Variants in PLEKHA5 observed in about 807,000 individuals in gnomAD.
PLEKHA5 encodes the protein pleckstrin homology domain-containing family A member 5.
PLEKHA5 carries 55 observed loss-of-function variants against 181.9 expected under a neutral mutation model. The ratio of observed to expected loss-of-function variants is 0.30; its 90% confidence interval spans 0.24 to 0.38. The LOEUF (loss-of-function observed/expected upper bound fraction) is 0.38, where lower values mean the gene tolerates loss of function less well. Ranked by LOEUF, PLEKHA5 falls within the 10% of genes least tolerant of loss-of-function variation. The probability of loss-of-function intolerance (pLI) is 1.00; values close to 1 mark genes in which losing one functional copy is unlikely to be tolerated. For synonymous variants in PLEKHA5, 535 were observed against 529.4 expected (o/e 1.01, Z -0.15); for missense variants, 1,432 against 1,549.5 (o/e 0.92, Z 1.27).
At chr12:19,135,086 A>C (rs563330334) in intron 3 of PLEKHA5, among the ~76,000 whole-genome samples, 2 of 152,276 alleles carry the variant, frequency 1.3e-5, no homozygotes, top group Non-Finnish European at 2.9e-5. Context: ...TGTGTTCTGG[A>C]AAGTTCTCAC....
chr12:19,267,350 T>C (rs2070804812), intron 8 of PLEKHA5, among the ~76,000 whole-genome samples: 1 of 152,162 alleles, frequency 6.6e-6, no homozygotes, highest in Non-Finnish European at 1.5e-5. Flanking sequence ...TTTATAACTT[T>C]TGCTAATTAA....
rs1187794806 is a variant in PLEKHA5, at chr12:19,247,755, T to TAA, written c.228-6174_228-6173dup. Among the ~76,000 whole-genome samples, 4 of 144,212 alleles carry TAA rather than the reference T, an allele frequency of 2.8e-5. No homozygotes were observed. In the East Asian group the frequency reaches 6.0e-4, roughly 22 times the overall value. The allele number at this position is 144,212 out of a possible 152,430, so 94.6% of individuals were successfully genotyped here. A position where few individuals can be genotyped will look rare whatever the true frequency, so the allele number is the denominator to read the frequency against. On this transcript the variant is annotated intron_variant, in intron 3 of 31. Coordinates refer to ENST00000429027, the MANE Select transcript of PLEKHA5 (RefSeq NM_001256470.2). ...AATTCCTTGGTATCTTTTCTTTTTT[T>TAA]AAAAAAAAAAAAGGTAGGGGGTGAG...
intron 3 of PLEKHA5, chr12:19,150,327 G>A (rs972273820): frequency 6.6e-6 from 1 of 152,130 alleles, no homozygotes; most frequent in African/African-American, 2.4e-5. Context: ...CTGTTTTGGG[G>A]GATGGAGGAA....
chr12:19,307,017 T>A, intron 15 of PLEKHA5: 1 of 1,494,722 alleles, frequency 6.7e-7, no homozygotes, highest in Non-Finnish European at 9.3e-7. Context: ...CTCCTACTCT[T>A]GTTCCTGCCC....
At chr12:19,314,203 C>T (rs1167905409) in intron 15 of PLEKHA5, among the ~76,000 whole-genome samples, 1 of 152,130 alleles carries the variant, frequency 6.6e-6, no homozygotes, top group Non-Finnish European at 1.5e-5. Flanking sequence ...GCTAAGGAGA[C>T]ATACCAAGTC....
At chr12:19,155,616 A>C (rs1197180112) in intron 3 of PLEKHA5, among the ~76,000 whole-genome samples, 1 of 152,190 alleles carries the variant, frequency 6.6e-6, no homozygotes, top group Non-Finnish European at 1.5e-5. Flanking sequence ...TAAAGTGTTA[A>C]CCATAGTCTT....
chr12:19,159,018 G>A (rs115710214), intron 3 of PLEKHA5, among the ~76,000 whole-genome samples: 1,701 of 152,174 alleles, frequency 0.011, 24 homozygotes, highest in African/African-American at 0.034. Context: ...ACATAAGACC[G>A]GACAAATTAC....
At chr12:19,286,367 A>G (rs2077211953) in intron 12 of PLEKHA5, among the ~76,000 whole-genome samples, 1 of 152,208 alleles carries the variant, frequency 6.6e-6, no homozygotes, top group African/African-American at 2.4e-5. Context: ...CCTTTAAAAA[A>G]TATCAGTTTT....
rs1194752508 is a variant in PLEKHA5 at position 19,213,044 on chromosome 12, TATGTCAG to T, written c.228-40893_228-40887del. 3.3e-5 allele frequency among the ~76,000 whole-genome samples: 5 copies of T among 152,110 alleles called. No homozygotes were observed. The East Asian group carries it at 9.6e-4, about 29-fold the overall frequency. On this transcript the variant is annotated intron_variant, in intron 3 of 31. Coordinates refer to ENST00000429027, the MANE Select transcript of PLEKHA5 (RefSeq NM_001256470.2). ...AAATAGGGTCTATAAGAATATCATT[TATGTCAG>T]ATAGTGAAACAAACATGAGATTATT...
At chr12:19,169,723 C>G (rs751263598) in intron 3 of PLEKHA5, among the ~76,000 whole-genome samples, 1 of 152,194 alleles carries the variant, frequency 6.6e-6, no homozygotes, top group Non-Finnish European at 1.5e-5. Context: ...CTTTATCCTG[C>G]AAACCATCAT....
intron 11 of PLEKHA5, among the ~76,000 whole-genome samples, chr12:19,277,239 G>A (rs1055427663): frequency 6.6e-6 from 1 of 152,124 alleles, no homozygotes; most frequent in Non-Finnish European, 1.5e-5. Context: ...TCAGAAGATT[G>A]GTGCGTCTCT....
chr12:19,148,711 G>T (rs913104757), intron 3 of PLEKHA5, among the ~76,000 whole-genome samples: 1 of 152,162 alleles, frequency 6.6e-6, no homozygotes, highest in East Asian at 1.9e-4. Context: ...CTTCAAAAAA[G>T]AAATTCTTTT....
intron 3 of PLEKHA5, among the ~76,000 whole-genome samples, chr12:19,155,933 G>A (rs143739073): frequency 2.0e-5 from 3 of 152,146 alleles, no homozygotes; most frequent in South Asian, 2.1e-4. Context: ...TAAAGTATAC[G>A]TTGAGTAGCC....
At chr12:19,292,269 C>T (rs1431384312) in intron 15 of PLEKHA5, among the ~76,000 whole-genome samples, 1 of 152,064 alleles carries the variant, frequency 6.6e-6, no homozygotes, top group East Asian at 1.9e-4. Context: ...AGCCGGGCGT[C>T]ACAGTGAACG....
intron 3 of PLEKHA5, chr12:19,205,233 GTCATT>G (rs2055140912): frequency 4.9e-6 from 1 of 203,310 alleles, no homozygotes; most frequent in South Asian, 1.7e-4. Context: ...GAAATACCAA[GTCATT>G]TAAATTAGAT....
intron 3 of PLEKHA5, among the ~76,000 whole-genome samples, chr12:19,195,376 G>A (rs900934411): frequency 2.3e-5 from 1 of 42,834 alleles, no homozygotes; most frequent in Admixed American, 3.3e-4. Flanking sequence ...TAGCACAAAA[G>A]GATATAAAGT....
intron 9 of PLEKHA5, 132 bp from the exon 10 acceptor site, chr12:19,270,056 G>T: frequency 1.6e-6 from 1 of 627,628 alleles, no homozygotes; most frequent in Non-Finnish European, 2.6e-6. Context: ...TACACATTTT[G>T]TTAGTTTGCG....
intron 3 of PLEKHA5, among the ~76,000 whole-genome samples, chr12:19,227,303 T>TTC (rs1565489482): frequency 6.7e-6 from 1 of 149,814 alleles, no homozygotes; most frequent in Non-Finnish European, 1.5e-5. Context: ...TTTTTTTTTT[T>TTC]CCCTCATGTC....
chr12:19,329,079 A>G (rs374904605), intron 20 of PLEKHA5, among the ~76,000 whole-genome samples: 1 of 152,154 alleles, frequency 6.6e-6, no homozygotes. Context: ...AGCCTTTTCC[A>G]TGTCTACTGA....
Sources: allele counts gnomAD v4.1 joint callset (sites outside exome capture counted in the v4.1 genomes callset), GRCh38; gene constraint gnomAD v4.1.1; transcripts MANE v1.5; gene names NCBI Gene and HGNC (gene_info 2026-07-23, HGNC 2026-07-21).